Variants in OAS1 observed in about 807,000 individuals in gnomAD.
OAS1 encodes 2'-5'-oligoadenylate synthase 1.
OAS1 carries 24 observed loss-of-function variants against 38.5 expected under a neutral mutation model. The observed-to-expected ratio is 0.62, with a 90% CI of 0.45 to 0.88. The LOEUF (loss-of-function observed/expected upper bound fraction) is 0.88. Ranked by LOEUF, OAS1 falls within the 40% of genes least tolerant of loss-of-function variation. The pLI, the probability that OAS1 is intolerant of heterozygous loss-of-function variation, is 0.00. For synonymous variants in OAS1, 169 were observed against 193.9 expected, an observed-to-expected ratio of 0.87 and a Z score of 1.07; for missense variants, 482 against 493.9, an observed-to-expected ratio of 0.98 and a Z score of 0.23.
At position 112,912,255 on chromosome 12, in the gene OAS1, G is replaced by A. The variant is rs375066333; in HGVS notation, c.654+1020G>A. Among the ~76,000 whole-genome samples the A allele has an allele frequency of 1.1e-3, 163 of 152,230 alleles. 5 individuals carry two copies. The South Asian group carries it at 0.032, about 30-fold the overall frequency. On this transcript the variant is annotated intron_variant, in intron 3 of 5. Transcript: ENST00000202917. Reference sequence around the variant, plus strand: ...CTGGGTAGGCTGAGGTGGGAGGATCGCTTGAGCCTGGGAGGAGGAGGTTGC... The same window carrying A: ...CTGGGTAGGCTGAGGTGGGAGGATCACTTGAGCCTGGGAGGAGGAGGTTGC...
At position 112,917,541 on chromosome 12, in the gene OAS1, C is replaced by A; in HGVS notation, c.885-6C>A. On this transcript the variant is annotated splice_region_variant and splice_polypyrimidine_tract_variant and intron_variant, in intron 4 of 5. Coordinates refer to ENST00000202917, the MANE Select transcript of OAS1 (RefSeq NM_016816.4). Reference sequence around the variant, plus strand: ...CACCTGTCCCTCTCTAAATGCTGCTCTGCAGGCCTGTGATCCTGGACCCGG... The same window carrying A: ...CACCTGTCCCTCTCTAAATGCTGCTATGCAGGCCTGTGATCCTGGACCCGG... 2 of 1,614,054 alleles carry A rather than the reference C, an allele frequency of 1.2e-6. No individual in the cohort carries two copies. Among genetic ancestry groups the A allele is most frequent in the South Asian group, 2.2e-5 (2 of 91,058 alleles).
Position 112,916,674 on chromosome 12 carries a change from A to G in OAS1, c.820A>G (p.Lys274Glu). The change falls in exon 4 of 6, where the codon AAG (lysine) becomes GAG (glutamate). Residue 274 changes from lysine to glutamate, a missense_variant. Lys to Glu is a moderately conservative substitution (Grantham distance 56). Transcript: ENST00000202917. ...NYQQLCIYWT[K>E]YYDFKNPIIE... ...CCAGCAACTCTGCATCTACTGGACAAAGTATTATGACTTTAAAAACCCCAT... is the reference window on the plus strand; with the variant it reads ...CCAGCAACTCTGCATCTACTGGACAGAGTATTATGACTTTAAAAACCCCAT... 6.2e-7 allele frequency: 1 copy of G among 1,614,168 alleles called. No homozygotes were observed. Among genetic ancestry groups the G allele is most frequent in the African/African-American group, 1.3e-5 (1 of 75,024 alleles).
downstream of OAS1, among the ~76,000 whole-genome samples, chr12:112,921,234 C>T (rs1011073528): frequency 6.6e-6 from 1 of 152,196 alleles, no homozygotes; most frequent in Admixed American, 6.5e-5. Context: ...AATGATGTTT[C>T]ACCAGCTATC....
intron 3 of OAS1, among the ~76,000 whole-genome samples, chr12:112,912,460 C>T (rs1315896518): frequency 6.6e-6 from 1 of 152,160 alleles, no homozygotes; most frequent in Non-Finnish European, 1.5e-5. Flanking sequence ...TGAAAATAAT[C>T]AGGAATAAAC....
intron 3 of OAS1, among the ~76,000 whole-genome samples, chr12:112,913,273 T>A (rs770242628): frequency 3.3e-4 from 51 of 152,362 alleles, no homozygotes; most frequent in South Asian, 8.3e-4. Flanking sequence ...TGGCTGCATG[T>A]AAAAGTTTTC....
At chr12:112,930,372 C>T (rs2043590216) in intron 6 of OAS1, among the ~76,000 whole-genome samples, 1 of 152,264 alleles carries the variant, frequency 6.6e-6, no homozygotes, top group African/African-American at 2.4e-5. Context: ...TTTGAGAGGT[C>T]AAGTGACCTG....
intron 6 of OAS1, among the ~76,000 whole-genome samples, chr12:112,926,134 G>A (rs2043556629): frequency 6.6e-6 from 1 of 151,982 alleles, no homozygotes; most frequent in South Asian, 2.1e-4. Context: ...TTTATTAGAG[G>A]GCCAATAAAT....
chr12:112,915,869 A>G (rs528861120), intron 3 of OAS1, among the ~76,000 whole-genome samples: 107 of 152,284 alleles, frequency 7.0e-4, no homozygotes, highest in Non-Finnish European at 1.3e-3. Flanking sequence ...TTCAGCATTT[A>G]AAGTTTGTAG....
Position 112,930,656 on chromosome 12 carries a change from C to G in OAS1, c.1168-1222C>G, listed in dbSNP as rs1046178955. Among the ~76,000 whole-genome samples the G allele has an allele frequency of 5.9e-5, 9 of 152,360 alleles. No homozygotes were observed. In the East Asian group the frequency reaches 1.7e-3, roughly 29 times the overall value. On this transcript the variant is annotated intron_variant, in intron 6 of 6. Coordinates refer to the OAS1 transcript ENST00000540589. ...GGAAGGACTAAGGTCCCCTTTGGTC[C>G]CTGCCAATCTGCACCCCACCCCAGT...
intron 3 of OAS1, among the ~76,000 whole-genome samples, chr12:112,911,560 G>GCA (rs979132991): frequency 6.6e-6 from 1 of 151,640 alleles, no homozygotes; most frequent in Non-Finnish European, 1.5e-5. Context: ...ACACACGCAC[G>GCA]CACACACACA....
intron 6 of OAS1, chr12:112,931,825 G>T: frequency 1.5e-6 from 1 of 675,924 alleles, no homozygotes; most frequent in African/African-American, 1.8e-5. Context: ...TGCTCTCTGG[G>T]CAGACAGGCT....
rs377265214 is a variant in OAS1 at position 112,917,568 on chromosome 12, G to A, written c.906G>A (p.Ala302=). The change falls in exon 5 of 6, where the codon GCG becomes GCA. Residue 302 remains alanine, a synonymous_variant. Transcript: ENST00000202917. ...TKPRPVILDP[A]DPTGNLGGGD... ...GCAGGCCTGTGATCCTGGACCCGGC[G>A]GACCCTACAGGAAACTTGGGTGGTG... is the stretch of plus-strand genomic sequence containing the variant. The A allele has an allele frequency of 2.8e-4, 454 of 1,614,142 alleles. 3 individuals are homozygous for A. The Middle Eastern group carries it at 9.3e-3, about 33-fold the overall frequency.
intron 6 of OAS1, among the ~76,000 whole-genome samples, chr12:112,929,052 G>A (rs1336059889): frequency 1.3e-5 from 2 of 152,186 alleles, no homozygotes; most frequent in African/African-American, 2.4e-5. Context: ...ACCACACCCA[G>A]CTTCTTGTGA....
intron 1 of OAS1, chr12:112,907,488 G>C (rs368816473): frequency 2.6e-6 from 1 of 379,466 alleles, no homozygotes; most frequent in Non-Finnish European, 4.8e-6. Flanking sequence ...ACTGTCCTGG[G>C]CGATGCCCAT....
chr12:112,929,793 CAAG>C lies in OAS1; in HGVS notation c.1168-2080_1168-2078del, dbSNP rs2043586528. 3.9e-5 allele frequency among the ~76,000 whole-genome samples: 6 copies of C among 152,198 alleles called. No individual in the cohort carries two copies. In the South Asian group the frequency reaches 1.2e-3, roughly 32 times the overall value. On this transcript the variant is annotated intron_variant, in intron 6 of 6. Transcript: ENST00000540589. ...TGGAAGAAGGCAAGGGGGAGATAAG[CAAG>C]AAGATGATAATGATGATGGTGGCCT...
At chr12:112,918,703 C>CATT (rs2043497110) in intron 5 of OAS1, 1 of 454,090 alleles carries the variant, frequency 2.2e-6, no homozygotes, top group Non-Finnish European at 4.4e-6. Flanking sequence ...GTGCTCATGT[C>CATT]ACTGTGCTAA....
At chr12:112,908,899 G>T in intron 2 of OAS1, 75 bp downstream of exon 2, 2 of 1,484,580 alleles carry the variant, frequency 1.3e-6, no homozygotes, top group Non-Finnish European at 1.8e-6. Flanking sequence ...AGAGCTTTTT[G>T]CCCCAACAGG....
intron 3 of OAS1, among the ~76,000 whole-genome samples, chr12:112,913,654 T>C (rs1239968842): frequency 6.6e-6 from 1 of 152,204 alleles, no homozygotes; most frequent in Non-Finnish European, 1.5e-5. Flanking sequence ...ACAGTTGCCA[T>C]TTTTATCCTA....
At chr12:112,925,784 T>C (rs889779593) in intron 6 of OAS1, among the ~76,000 whole-genome samples, 2 of 152,136 alleles carry the variant, frequency 1.3e-5, no homozygotes, top group Admixed American at 6.5e-5. Flanking sequence ...CGACCCTGTC[T>C]CAGAAATAAG....
Sources: gnomAD v4.1 joint callset for allele counts (sites outside exome capture counted in the v4.1 genomes callset) on GRCh38, gnomAD v4.1.1 for gene constraint, MANE v1.5 for transcripts, NCBI Gene and HGNC (gene_info 2026-07-23, HGNC 2026-07-21) for gene names.